The following HEG1 variants were observed in gnomAD, a reference collection of about 807,000 sequenced individuals.
HEG1 encodes the protein protein HEG homolog 1.
A neutral mutation model predicts 125.6 loss-of-function variants in HEG1; 56 were observed. That is an observed-to-expected ratio of 0.45 (90% confidence interval 0.36 to 0.56). The LOEUF is 0.56. Ranked by LOEUF, HEG1 falls within the 20% of genes least tolerant of loss-of-function variation. The pLI is 0.00. For synonymous variants in HEG1, 644 were observed against 668.5 expected, an observed-to-expected ratio of 0.96 and a Z score of 0.57; for missense variants, 1,523 against 1,670.0, an observed-to-expected ratio of 0.91 and a Z score of 1.53.
intron 14 of HEG1, among the ~76,000 whole-genome samples, chr3:124,990,341 G>T (rs1174507124): frequency 2.8e-5 from 4 of 143,348 alleles, no homozygotes; most frequent in Non-Finnish European, 4.5e-5. Flanking sequence ...TGTTTTTTGG[G>T]TTTTTTTTTT....
At chr3:125,011,385 C>T (rs1417802679) in intron 6 of HEG1, among the ~76,000 whole-genome samples, 4 of 152,190 alleles carry the variant, frequency 2.6e-5, no homozygotes, top group Non-Finnish European at 5.9e-5. Context: ...AACCCATGAA[C>T]ACTGGCACAA....
intron 1 of HEG1, among the ~76,000 whole-genome samples, chr3:125,031,747 C>T (rs1937505820): frequency 2.0e-5 from 3 of 151,476 alleles, no homozygotes; most frequent in Admixed American, 2.0e-4. Flanking sequence ...CATACACACA[C>T]ATACACATGC....
intron 1 of HEG1, among the ~76,000 whole-genome samples, chr3:125,049,052 T>A (rs758255227): frequency 5.9e-5 from 9 of 152,188 alleles, no homozygotes; most frequent in Admixed American, 2.0e-4. Context: ...TATTTCACCA[T>A]CAAACTTTGC....
chr3:125,014,624 G>A, intron 5 of HEG1: 1 of 1,092,656 alleles, frequency 9.2e-7, no homozygotes, highest in Admixed American at 3.7e-5. Context: ...TTTCTGGCTT[G>A]ACAGCTAACT....
intron 8 of HEG1, among the ~76,000 whole-genome samples, chr3:125,006,017 C>T (rs567071112): frequency 1.3e-5 from 2 of 152,326 alleles, no homozygotes; most frequent in South Asian, 4.1e-4. Flanking sequence ...CTCCCAAGGG[C>T]CACCACTGGC....
intron 12 of HEG1, among the ~76,000 whole-genome samples, chr3:124,997,344 T>G (rs957061591): frequency 6.6e-6 from 1 of 152,078 alleles, no homozygotes; most frequent in African/African-American, 2.4e-5. Context: ...ACTTCCACTT[T>G]AAAAGATTAG....
chr3:125,026,544 CT>C (rs377207830), intron 3 of HEG1, among the ~76,000 whole-genome samples: 206 of 151,264 alleles, frequency 1.4e-3, no homozygotes, highest in African/African-American at 4.7e-3. Flanking sequence ...ATTATATCTG[CT>C]TTTTTTTTCA....
At chr3:124,971,159 G>C (rs1936416119) in intron 16 of HEG1, 1 of 472,600 alleles carries the variant, frequency 2.1e-6, no homozygotes, top group African/African-American at 2.0e-5. Context: ...CTGGGAATAA[G>C]AGGGGCTACT....
At chr3:124,982,897 A>G (rs1936677365) in intron 14 of HEG1, among the ~76,000 whole-genome samples, 1 of 152,144 alleles carries the variant, frequency 6.6e-6, no homozygotes, top group Non-Finnish European at 1.5e-5. Context: ...CACTTTCACA[A>G]TTGCTGAGCT....
intron 5 of HEG1, chr3:125,015,119 A>G (rs1363507174): frequency 1.5e-6 from 1 of 671,684 alleles, no homozygotes; most frequent in Non-Finnish European, 2.1e-6. Flanking sequence ...GCTCCCCTGT[A>G]CTTTTAGGGT....
At chr3:124,973,015 C>CTATTATTAT (rs58802991) in intron 16 of HEG1, among the ~76,000 whole-genome samples, 2 of 150,134 alleles carry the variant, frequency 1.3e-5, no homozygotes, top group East Asian at 2.0e-4. Flanking sequence ...TTTATTATTG[C>CTATTATTAT]TATTATTATT....
intron 1 of HEG1, among the ~76,000 whole-genome samples, chr3:125,041,158 A>G (rs904967374): frequency 4.6e-5 from 7 of 152,176 alleles, no homozygotes; most frequent in Admixed American, 1.3e-4. Context: ...CTCTTGCTAA[A>G]CTGATTTCCG....
At chr3:124,982,006 G>A (rs1013330211) in intron 14 of HEG1, among the ~76,000 whole-genome samples, 6 of 151,856 alleles carry the variant, frequency 4.0e-5, no homozygotes, top group African/African-American at 1.5e-4. Flanking sequence ...GGGTTCAAGC[G>A]ATTCTCCTTC....
chr3:125,051,193 T>C (rs1311283577), intron 1 of HEG1, among the ~76,000 whole-genome samples: 2 of 152,374 alleles, frequency 1.3e-5, no homozygotes, highest in East Asian at 3.9e-4. Flanking sequence ...CTTGTGGTCT[T>C]GTCTCAGGTA....
intron 3 of HEG1, among the ~76,000 whole-genome samples, chr3:125,022,183 GT>G: frequency 6.6e-6 from 1 of 152,156 alleles, no homozygotes; most frequent in East Asian, 1.9e-4. Flanking sequence ...AACATGGTGG[GT>G]AAGACTAAAG....
At position 125,020,966 on chromosome 3, in the gene HEG1, G is replaced by A. The variant is rs267599586; in HGVS notation, c.1078C>T (p.Pro360Ser). 3 of 1,613,792 alleles carry A rather than the reference G, an allele frequency of 1.9e-6. No individual in the cohort carries two copies. The highest frequency in any genetic ancestry group is 2.5e-6 in the Non-Finnish European group (3 of 1,179,888). The change falls in exon 4 of 17, where the codon CCC (proline) becomes TCC (serine). Residue 360 changes from proline (P) to serine (S), a missense_variant. Coordinates refer to ENST00000311127, the MANE Select transcript of HEG1 (RefSeq NM_020733.2). ...GTCGTGGCAATTCTGGAGTCCTTGG[G>A]GAAGCCTTCTGTCTTGCTCACAGGT... ...LGPVSKTEGF[P>S]KDSRIATTSS...
At chr3:125,007,300 A>C (rs1340656097) in intron 8 of HEG1, among the ~76,000 whole-genome samples, 1 of 152,064 alleles carries the variant, frequency 6.6e-6, no homozygotes, top group East Asian at 1.9e-4. Flanking sequence ...TTTGGTGTGA[A>C]TATAAAGATA....
At chr3:125,034,470 A>T (rs77656134) in intron 1 of HEG1, among the ~76,000 whole-genome samples, 1 of 151,962 alleles carries the variant, frequency 6.6e-6, no homozygotes, top group Non-Finnish European at 1.5e-5. Context: ...AAACTCAACA[A>T]CAGATTAGAT....
intron 3 of HEG1, among the ~76,000 whole-genome samples, chr3:125,022,508 T>C (rs914759411): frequency 6.6e-6 from 1 of 151,964 alleles, no homozygotes; most frequent in African/African-American, 2.4e-5. Context: ...CCGGCAGCTC[T>C]GGTCACCCCA....
Sources: allele counts gnomAD v4.1 joint callset (sites outside exome capture counted in the v4.1 genomes callset), GRCh38; gene constraint gnomAD v4.1.1; transcripts MANE v1.5; gene names NCBI Gene and HGNC (gene_info 2026-07-23, HGNC 2026-07-21).